Variants in CAMK2A observed in about 807,000 individuals in gnomAD.
CAMK2A encodes the protein calcium/calmodulin-dependent protein kinase type II subunit alpha.
CAMK2A carries 7 observed loss-of-function variants against 79.2 expected under a neutral mutation model. The ratio of observed to expected loss-of-function variants is 0.09; its 90% confidence interval spans 0.05 to 0.17. The LOEUF (loss-of-function observed/expected upper bound fraction) is 0.17, where lower values mean the gene tolerates loss of function less well. Ranked by LOEUF, CAMK2A falls within the 10% of genes least tolerant of loss-of-function variation. CAMK2A has a pLI of 1.00. For missense variants in CAMK2A, 214 were observed against 646.4 expected (o/e 0.33, Z 7.25); for synonymous variants, 242 against 251.7 (o/e 0.96, Z 0.36).
chr5:150,269,209 C>T (rs1756635314), intron 2 of CAMK2A, among the ~76,000 whole-genome samples: 1 of 152,120 alleles, frequency 6.6e-6, no homozygotes, highest in Non-Finnish European at 1.5e-5. Flanking sequence ...ATGATGATAT[C>T]TTGGGAACCT....
chr5:150,226,817 T>TG (rs1434996240), intron 17 of CAMK2A, among the ~76,000 whole-genome samples: 24 of 150,370 alleles, frequency 1.6e-4, no homozygotes, highest in African/African-American at 5.2e-4. Context: ...TGTGTTTTTT[T>TG]TGTGGAGATT....
intron 3 of CAMK2A, 78 bp downstream of exon 3, chr5:150,264,878 C>G: frequency 8.7e-7 from 1 of 1,149,328 alleles, no homozygotes. Flanking sequence ...CCACCCAACC[C>G]GCAAACACCC....
rs558842928 is a variant in CAMK2A, at chr5:150,285,994, TA to T, written c.62+3569del. Among the ~76,000 whole-genome samples, 11 of 152,284 alleles carry T rather than the reference TA, an allele frequency of 7.2e-5. No individual in the cohort carries two copies. In the South Asian group the frequency reaches 1.2e-3, roughly 17 times the overall value. On this transcript the variant is annotated intron_variant, in intron 1 of 18. Coordinates refer to ENST00000671881, the MANE Select transcript of CAMK2A (RefSeq NM_015981.4). Reference sequence around the variant, plus strand: ...CATCCGTGGCAACCCCTTTGCCCAATAACCAGCATTCTTCCCTTTCTCAGAG... The same window carrying T: ...CATCCGTGGCAACCCCTTTGCCCAATACCAGCATTCTTCCCTTTCTCAGAG...
intron 3 of CAMK2A, among the ~76,000 whole-genome samples, chr5:150,262,326 G>A (rs569832413): frequency 2.0e-5 from 3 of 152,292 alleles, no homozygotes; most frequent in East Asian, 3.9e-4. Flanking sequence ...CTCACCTTTC[G>A]GGTTTTGAGC....
At chr5:150,234,662 G>T (rs183743129) in intron 15 of CAMK2A, among the ~76,000 whole-genome samples, 19 of 152,212 alleles carry the variant, frequency 1.2e-4, no homozygotes, top group African/African-American at 4.6e-4. Context: ...TTATCATCTG[G>T]GAATCTCTGA....
chr5:150,273,015 G>T, intron 2 of CAMK2A, 50 bp downstream of exon 2: 1 of 1,411,512 alleles, frequency 7.1e-7, no homozygotes, highest in Non-Finnish European at 1.0e-6. Context: ...ACAGGTAAGG[G>T]GAGAGAGGAG....
At chr5:150,248,597 G>A (rs61682307) in intron 11 of CAMK2A, among the ~76,000 whole-genome samples, 14,977 of 148,268 alleles carry the variant, frequency 0.1, 2,410 homozygotes, top group African/African-American at 0.34. Context: ...TTGTTTTTTT[G>A]TCCTTGCGAT....
intron 14 of CAMK2A, 134 bp from the exon 15 acceptor site, chr5:150,238,882 A>C: frequency 1.4e-6 from 1 of 731,312 alleles, no homozygotes. Flanking sequence ...CTGTCCTGAA[A>C]ACCCTGTCAG....
In CAMK2A at chr5:150,221,615, T is replaced by G; in HGVS notation, c.*1095A>C. On this transcript the variant is annotated 3_prime_UTR_variant, in exon 19 of 19. Transcript: ENST00000671881. The stretch of plus-strand genomic sequence containing the variant: ...TTCCTGAGTCAGTGCTGGCATCTGA[T>G]GCTTCCACAGTCCCAAAAGGAACGC... 5.0e-6 allele frequency: 2 copies of G among 398,716 alleles called. No homozygotes were observed. The allele number at this position is 398,716 out of a possible 1,614,324, so 24.7% of individuals were successfully genotyped here.
chr5:150,256,161 C>A lies in CAMK2A; in HGVS notation c.411+412G>T, dbSNP rs1353919299. The stretch of plus-strand genomic sequence containing the variant: ...TATCTCATTTCATATCCTCACCAAC[C>A]CTTTGCAGAGGTTGCTATGGCAACC... On this transcript the variant is annotated intron_variant, in intron 6 of 18. Coordinates refer to ENST00000671881, the MANE Select transcript of CAMK2A (RefSeq NM_015981.4). This position sits in a 1 kb window ranked among gnomAD's most constrained non-coding sequence, Gnocchi z 4.6. Among the ~76,000 whole-genome samples the A allele has an allele frequency of 1.3e-5, 2 of 152,180 alleles. No homozygotes were observed. The highest frequency in any genetic ancestry group is 2.4e-5 in the African/African-American group (1 of 41,438).
chr5:150,289,609 C>G lies in CAMK2A; in HGVS notation c.17G>C (p.Cys6Ser). Residue 6 changes from cysteine to serine, a missense_variant, in exon 1 of 19, where the codon TGC becomes TCC. By Grantham distance (112) the Cys-to-Ser change is moderately radical (BLOSUM62 -1). Coordinates refer to ENST00000671881, the MANE Select transcript of CAMK2A (RefSeq NM_015981.4). MATIT[C>S]TRFTEEYQLF... is the part of the protein sequence containing the mutation. ...CTGGTACTCTTCCGTGAAGCGGGTG[C>G]AGGTGATGGTGGCCATCCTGGCGCT... 6.2e-7 allele frequency: 1 copy of G among 1,613,966 alleles called. No individual in the cohort carries two copies. The highest frequency in any genetic ancestry group is 8.5e-7 in the Non-Finnish European group (1 of 1,179,912).
intron 2 of CAMK2A, 47 bp downstream of exon 2, chr5:150,273,018 G>C (rs1756813991): frequency 1.4e-6 from 2 of 1,438,784 alleles, no homozygotes; most frequent in Non-Finnish European, 2.0e-6. Context: ...GGTAAGGGGA[G>C]AGAGGAGAGC....
At chr5:150,251,273 G>A (rs1386952212) in intron 9 of CAMK2A, among the ~76,000 whole-genome samples, 1 of 152,174 alleles carries the variant, frequency 6.6e-6, no homozygotes, top group Non-Finnish European at 1.5e-5. Context: ...AAGCATGGAT[G>A]GTAGAGCCAG....
At chr5:150,246,459 GA>G (rs777262266) in intron 12 of CAMK2A, among the ~76,000 whole-genome samples, 8 of 152,158 alleles carry the variant, frequency 5.3e-5, no homozygotes. Flanking sequence ...TTCAAGAGAC[GA>G]CAGCAATCTG....
Position 150,223,317 on chromosome 5 carries a change from G to T in CAMK2A, c.1238-100C>A, listed in dbSNP as rs184670905. The T allele has an allele frequency of 4.2e-6, 4 of 948,260 alleles. No homozygotes were observed. Among genetic ancestry groups the T allele is most frequent in the East Asian group, 2.6e-5 (1 of 38,284 alleles). The allele number at this position is 948,260 out of a possible 1,614,324, so 58.7% of individuals were successfully genotyped here. On this transcript the variant is annotated intron_variant, in intron 17 of 18. Transcript: ENST00000671881. This position sits in a 1 kb window ranked among gnomAD's most constrained non-coding sequence, Gnocchi z 4.1. ...TCCCAGCAGCCCTCTCAATGGAGGCGCCCTGCCTGACTCATTTGCAGGGAA... is the reference window on the plus strand; with the variant it reads ...TCCCAGCAGCCCTCTCAATGGAGGCTCCCTGCCTGACTCATTTGCAGGGAA...
intron 1 of CAMK2A, among the ~76,000 whole-genome samples, chr5:150,277,160 GC>G (rs1756984258): frequency 6.6e-6 from 1 of 152,184 alleles, no homozygotes; most frequent in Non-Finnish European, 1.5e-5. Context: ...GTTGCAGTGA[GC>G]TGAGATAGCA....
intron 15 of CAMK2A, among the ~76,000 whole-genome samples, chr5:150,233,039 T>A (rs902370596): frequency 3.3e-5 from 5 of 152,224 alleles, no homozygotes; most frequent in Admixed American, 6.5e-5. Context: ...TTTGCCCGAA[T>A]GCTTTATCTA....
chr5:150,229,259 C>A (rs978485807), intron 16 of CAMK2A, among the ~76,000 whole-genome samples: 2 of 152,194 alleles, frequency 1.3e-5, no homozygotes, highest in Non-Finnish European at 2.9e-5. Flanking sequence ...CTACTCATGA[C>A]CCCAAATTCT....
chr5:150,223,045 A>G lies in CAMK2A; in HGVS notation c.1410T>C (p.Asp470=), dbSNP rs2241694. The G allele has an allele frequency of 0.92, 1,481,699 of 1,614,194 alleles. 680,740 individuals carry two copies. Among genetic ancestry groups the G allele is most frequent in the African/African-American group, 0.99 (74,028 of 75,068 alleles). Residue 470 remains aspartate (D), a synonymous_variant, in exon 18 of 19, where the codon GAT becomes GAC. Coordinates refer to ENST00000671881, the MANE Select transcript of CAMK2A (RefSeq NM_015981.4). The surrounding 1 kb of genome is among the most constrained non-coding windows in gnomAD (Gnocchi z 4.1). ...SEETRVWHRR[D]GKWQIVHFHR... is the part of the protein sequence containing the mutation. ...GGAAGTGGACGATCTGCCATTTGCC[A>G]TCCCGGCGGTGCCAGACACGGGTCT... is the stretch of plus-strand genomic sequence containing the variant.
Sources: allele counts gnomAD v4.1 joint callset (sites outside exome capture counted in the v4.1 genomes callset), GRCh38; gene constraint gnomAD v4.1.1; non-coding constraint Gnocchi (gnomAD v3.1); transcripts MANE v1.5; gene names NCBI Gene and HGNC (gene_info 2026-07-23, HGNC 2026-07-21).